The following RYR3 variants were observed in gnomAD, a reference collection of about 807,000 sequenced individuals.
RYR3 encodes the protein ryanodine receptor 3.
In RYR3, 207 loss-of-function variants were observed where a neutral mutation model predicts 584.3. The ratio of observed to expected loss-of-function variants is 0.35; its 90% CI spans 0.32 to 0.40. The LOEUF is 0.40. Ranked by LOEUF, RYR3 falls within the 10% of genes least tolerant of loss-of-function variation. RYR3 has a pLI of 1.00. For missense variants in RYR3, 5,616 were observed against 6,089.2 expected (o/e 0.92, Z 2.59); for synonymous variants, 2,416 against 2,248.5 (o/e 1.07, Z -2.11).
chr15:33,501,549 A>G (rs561977967), intron 2 of RYR3, among the ~76,000 whole-genome samples: 128 of 152,294 alleles, frequency 8.4e-4, no homozygotes, highest in South Asian at 6.9e-3. Flanking sequence ...AAATCTCCAA[A>G]TCATTCATTC....
chr15:33,432,006 C>G lies in RYR3; in HGVS notation c.52-41413C>G, dbSNP rs950009049. Among the ~76,000 whole-genome samples, 7 of 152,306 alleles carry G rather than the reference C, an allele frequency of 4.6e-5. No homozygotes were observed. The South Asian group carries it at 1.4e-3, about 32-fold the overall frequency. ...CTGGAGTAGATAGGAATTATTTCTA[C>G]TAGTAAGTCACTGGGTTACCCTCAC... On this transcript the variant is annotated intron_variant, in intron 1 of 103. Transcript: ENST00000634891.
At chr15:33,574,653 T>A (rs1157104106) in intron 12 of RYR3, among the ~76,000 whole-genome samples, 1 of 151,570 alleles carries the variant, frequency 6.6e-6, no homozygotes, top group East Asian at 1.9e-4. Context: ...ACAGCCTGAT[T>A]GCTTTCAGAA....
intron 1 of RYR3, among the ~76,000 whole-genome samples, chr15:33,469,894 C>A (rs1430655710): frequency 6.6e-6 from 1 of 152,026 alleles, no homozygotes; most frequent in Non-Finnish European, 1.5e-5. Context: ...AACAGAAAGG[C>A]GGGAGCACTA....
chr15:33,365,622 C>T (rs898265448), intron 1 of RYR3, among the ~76,000 whole-genome samples: 1 of 152,216 alleles, frequency 6.6e-6, no homozygotes, highest in African/African-American at 2.4e-5. Flanking sequence ...CTATACAGCA[C>T]AGCACCAATA....
At chr15:33,539,137 T>C (rs1469600877) in intron 5 of RYR3, 1 of 418,682 alleles carries the variant, frequency 2.4e-6, no homozygotes, top group African/African-American at 2.0e-5. Flanking sequence ...ATACACTGTT[T>C]TTCTGTCTCT....
intron 45 of RYR3, among the ~76,000 whole-genome samples, chr15:33,724,599 T>C (rs1567029484): frequency 1.3e-5 from 2 of 152,186 alleles, no homozygotes; most frequent in East Asian, 3.9e-4. Flanking sequence ...TTTGAATTTT[T>C]CCCCCAGAGG....
chr15:33,836,770 A>C, intron 87 of RYR3, 136 bp from the exon 88 acceptor site: 2 of 607,706 alleles, frequency 3.3e-6, no homozygotes, highest in South Asian at 2.3e-5. Context: ...ATCCTCATTC[A>C]GAATGAGAAG....
At chr15:33,661,846 C>T (rs562946686) in intron 34 of RYR3, among the ~76,000 whole-genome samples, 18 of 152,276 alleles carry the variant, frequency 1.2e-4, no homozygotes, top group African/African-American at 3.4e-4. Flanking sequence ...ACGACCAAGT[C>T]ATCACTCTCA....
chr15:33,558,843 G>C (rs2152476750), intron 10 of RYR3, among the ~76,000 whole-genome samples: 1 of 152,312 alleles, frequency 6.6e-6, no homozygotes, highest in Non-Finnish European at 1.5e-5. Flanking sequence ...AAGAGGAATG[G>C]ACACGCCATA....
chr15:33,548,670 T>TA (rs1024186518), intron 9 of RYR3, among the ~76,000 whole-genome samples: 92 of 152,304 alleles, frequency 6.0e-4, no homozygotes, highest in African/African-American at 2.0e-3. Context: ...AAAAGGTACT[T>TA]ACTAGAACTT....
intron 1 of RYR3, among the ~76,000 whole-genome samples, chr15:33,370,723 T>C (rs1376609822): frequency 6.6e-6 from 1 of 151,992 alleles, no homozygotes; most frequent in African/African-American, 2.4e-5. Flanking sequence ...AAGTAAAGCA[T>C]CCAGATGAAC....
chr15:33,617,442 A>T (rs561263973), intron 19 of RYR3, among the ~76,000 whole-genome samples: 1 of 152,164 alleles, frequency 6.6e-6, no homozygotes, highest in East Asian at 1.9e-4. Context: ...AATGAAATTG[A>T]AAAGGAATTA....
At chr15:33,567,452 G>A (rs721667) in intron 12 of RYR3, among the ~76,000 whole-genome samples, 99,738 of 152,074 alleles carry the variant, frequency 0.66, 33,673 homozygotes, top group Middle Eastern at 0.76. Flanking sequence ...TATAAATTAC[G>A]TGTGTGAATT....
At chr15:33,758,417 A>G (rs979870622) in intron 60 of RYR3, among the ~76,000 whole-genome samples, 10 of 152,148 alleles carry the variant, frequency 6.6e-5, no homozygotes, top group Admixed American at 2.0e-4. Flanking sequence ...TGCCAGCCCA[A>G]CGGTCTGAAG....
intron 67 of RYR3, among the ~76,000 whole-genome samples, chr15:33,790,964 G>A (rs1365197233): frequency 6.6e-6 from 1 of 152,176 alleles, no homozygotes. Flanking sequence ...TGAGAACTGA[G>A]ACTGGGCATT....
chr15:33,383,447 G>T (rs1009100730), intron 1 of RYR3, among the ~76,000 whole-genome samples: 2 of 151,760 alleles, frequency 1.3e-5, no homozygotes, highest in African/African-American at 2.4e-5. Context: ...TTGCCTTCTG[G>T]ATTTCATAAT....
intron 10 of RYR3, among the ~76,000 whole-genome samples, chr15:33,553,146 G>A (rs1371649454): frequency 1.3e-5 from 2 of 152,140 alleles, no homozygotes; most frequent in South Asian, 2.1e-4. Flanking sequence ...GGGGCAGAGG[G>A]CGAGGAAGCA....
chr15:33,512,473 A>T (rs985171998), intron 3 of RYR3, among the ~76,000 whole-genome samples: 1 of 152,202 alleles, frequency 6.6e-6, no homozygotes, highest in East Asian at 1.9e-4. Context: ...GACTCTCTCA[A>T]ATCCCCCCAT....
rs74845602 is a variant in RYR3, at chr15:33,641,279, C to T, written c.3557-3032C>T. Among the ~76,000 whole-genome samples the T allele has an allele frequency of 6.5e-3, 990 of 152,336 alleles. 16 individuals carry two copies. The highest frequency in any genetic ancestry group is 0.022 in the African/African-American group (932 of 41,570). ...TTCACATGCTGACTCTGCAGTTTACCAGGTAGCAGATGTTGAGCCCCAGTC... is the reference window on the plus strand; with the variant it reads ...TTCACATGCTGACTCTGCAGTTTACTAGGTAGCAGATGTTGAGCCCCAGTC... On this transcript the variant is annotated intron_variant, in intron 27 of 103. Transcript: ENST00000634891.
Sources: allele counts gnomAD v4.1 joint callset (sites outside exome capture counted in the v4.1 genomes callset), GRCh38; gene constraint gnomAD v4.1.1; transcripts MANE v1.5; gene names NCBI Gene and HGNC (gene_info 2026-07-23, HGNC 2026-07-21).